CNTN1: variants seen among roughly 807,000 people sequenced by gnomAD.
CNTN1 encodes the protein contactin 1, also known as contactin-1.
In CNTN1, 38 loss-of-function variants were observed where a neutral mutation model predicts 126.4. That is an observed-to-expected ratio of 0.30 (90% CI 0.23 to 0.39). CNTN1 has a LOEUF of 0.39. CNTN1 is among the 10% of genes least tolerant of loss of function. CNTN1 has a pLI of 1.00. For synonymous variants in CNTN1, 413 were observed against 422.6 expected (o/e 0.98, Z 0.28); for missense variants, 1,009 against 1,248.4 (o/e 0.81, Z 2.89).
chr12:40,835,480 C>T (rs151188713), intron 1 of CNTN1, among the ~76,000 whole-genome samples: 141 of 152,258 alleles, frequency 9.3e-4, no homozygotes, highest in Non-Finnish European at 1.9e-3. Flanking sequence ...ATTCTTCCAT[C>T]TAACCTATAA....
intron 5 of CNTN1, among the ~76,000 whole-genome samples, chr12:40,924,079 G>A (rs190520668): frequency 6.6e-6 from 1 of 152,042 alleles, no homozygotes; most frequent in Non-Finnish European, 1.5e-5. Flanking sequence ...TTACTTTCAC[G>A]TTCCCTAATG....
intron 17 of CNTN1, among the ~76,000 whole-genome samples, chr12:40,995,818 G>C (rs1472279643): frequency 6.6e-6 from 1 of 152,100 alleles, no homozygotes; most frequent in Non-Finnish European, 1.5e-5. Context: ...TGAGATCTTT[G>C]ATTAATAAAC....
intron 1 of CNTN1, among the ~76,000 whole-genome samples, chr12:40,777,135 G>A (rs796580272): frequency 9.9e-5 from 15 of 151,564 alleles, no homozygotes; most frequent in East Asian, 9.7e-4. Context: ...ACCTTAAAGC[G>A]AAAATCATCT....
chr12:40,991,792 C>T (rs1296571710), intron 16 of CNTN1, among the ~76,000 whole-genome samples: 1 of 152,214 alleles, frequency 6.6e-6, no homozygotes, highest in Non-Finnish European at 1.5e-5. Context: ...CACGCAACTG[C>T]ACTCCAGCCT....
intron 1 of CNTN1, among the ~76,000 whole-genome samples, chr12:40,840,826 A>G (rs1264752112): frequency 6.6e-6 from 1 of 151,896 alleles, no homozygotes; most frequent in African/African-American, 2.4e-5. Flanking sequence ...AGCAAAAGCA[A>G]TGCAAAGAGA....
At chr12:40,828,577 T>C (rs1176021186) in intron 1 of CNTN1, among the ~76,000 whole-genome samples, 1 of 152,176 alleles carries the variant, frequency 6.6e-6, no homozygotes, top group Non-Finnish European at 1.5e-5. Flanking sequence ...AGCAGTAGAA[T>C]GAGCTGAATC....
chr12:40,866,178 T>G (rs947562477), intron 1 of CNTN1, among the ~76,000 whole-genome samples: 1 of 152,136 alleles, frequency 6.6e-6, no homozygotes, highest in Middle Eastern at 3.2e-3. Flanking sequence ...CCTGAAACCT[T>G]GCTGAATTCA....
chr12:40,706,226 C>T (rs1941737261), intron 1 of CNTN1, among the ~76,000 whole-genome samples: 1 of 151,656 alleles, frequency 6.6e-6, no homozygotes, highest in South Asian at 2.1e-4. Context: ...ATTAACTCGT[C>T]ATTTACATTA....
At chr12:41,041,784 C>T (rs546961814) in intron 23 of CNTN1, among the ~76,000 whole-genome samples, 5 of 151,978 alleles carry the variant, frequency 3.3e-5, no homozygotes, top group East Asian at 1.9e-4. Flanking sequence ...TTTTTTATTG[C>T]GTCTGTTTGA....
At chr12:40,698,228 ATTTTTTTTTTTTTTTTT>A (rs35570862) in intron 1 of CNTN1, among the ~76,000 whole-genome samples, 1 of 69,884 alleles carries the variant, frequency 1.4e-5, no homozygotes, top group Admixed American at 2.0e-4. Flanking sequence ...CAGCCACTTA[ATTTTTTTTTTTTTTTTT>A]TTTTTTTTTT....
In CNTN1 at chr12:40,879,632, C is replaced by T. The variant is rs528142047; in HGVS notation, c.-76-28725C>T. On this transcript the variant is annotated intron_variant, in intron 1 of 23. Transcript: ENST00000551295. The stretch of plus-strand genomic sequence containing the variant: ...ACCTAAAAATAAGATATGTGTCAGG[C>T]AGCAAGGAGGGAGATTACAGAAACT... Among the ~76,000 whole-genome samples, 15 of 152,054 alleles carry T rather than the reference C, an allele frequency of 9.9e-5. No homozygotes were observed. In the South Asian group the frequency reaches 2.5e-3, roughly 25 times the overall value.
intron 15 of CNTN1, among the ~76,000 whole-genome samples, chr12:40,964,521 A>AGTGT (rs768904007): frequency 8.5e-4 from 96 of 112,792 alleles, no homozygotes; most frequent in African/African-American, 1.9e-3. Context: ...ACACCGTGTA[A>AGTGT]GTGAGTGTGT....
chr12:40,938,282 T>C (rs1244843175), intron 11 of CNTN1, among the ~76,000 whole-genome samples: 1 of 152,190 alleles, frequency 6.6e-6, no homozygotes, highest in Non-Finnish European at 1.5e-5. Flanking sequence ...TAATTATTGC[T>C]CTGTACTTGG....
At chr12:40,943,298 G>A (rs1049667812) in intron 12 of CNTN1, among the ~76,000 whole-genome samples, 4 of 152,008 alleles carry the variant, frequency 2.6e-5, no homozygotes, top group Admixed American at 6.6e-5. Context: ...CTGGGAGACC[G>A]GGGCTCATTT....
chr12:40,720,923 T>C (rs574206424), intron 1 of CNTN1, among the ~76,000 whole-genome samples: 1 of 145,010 alleles, frequency 6.9e-6, no homozygotes, highest in South Asian at 2.2e-4. Flanking sequence ...AGAGGAAGAC[T>C]CTGTCTCAAA....
At position 40,833,401 on chromosome 12, in the gene CNTN1, G is replaced by C. The variant is rs562324907; in HGVS notation, c.-76-74956G>C. Among the ~76,000 whole-genome samples, 3 of 152,176 alleles carry C rather than the reference G, an allele frequency of 2.0e-5. No individual in the cohort carries two copies. In the South Asian group the frequency reaches 6.2e-4, roughly 32 times the overall value. ...GTGAGGCACTGCACCTGGCCAACAA[G>C]TTGTCTTTTCAATGACAGTTGTCTC... On this transcript the variant is annotated intron_variant, in intron 1 of 23. Coordinates refer to ENST00000551295, the MANE Select transcript of CNTN1 (RefSeq NM_001843.4).
chr12:40,946,851 C>T (rs183903843), intron 14 of CNTN1, among the ~76,000 whole-genome samples: 5 of 152,000 alleles, frequency 3.3e-5, no homozygotes, highest in East Asian at 3.9e-4. Flanking sequence ...TTTCACAGCC[C>T]GGTGTAATTT....
chr12:40,712,832 A>T (rs915502233), intron 1 of CNTN1, among the ~76,000 whole-genome samples: 1 of 152,076 alleles, frequency 6.6e-6, no homozygotes, highest in African/African-American at 2.4e-5. Context: ...TCATTTTGAA[A>T]TTTAATTCCC....
chr12:40,776,577 A>T (rs1244204294), intron 1 of CNTN1, among the ~76,000 whole-genome samples: 1 of 151,652 alleles, frequency 6.6e-6, no homozygotes, highest in Non-Finnish European at 1.5e-5. Context: ...CATTGAGCTT[A>T]CATTCTTAAA....
Sources: allele counts gnomAD v4.1 joint callset (sites outside exome capture counted in the v4.1 genomes callset), GRCh38; gene constraint gnomAD v4.1.1; transcripts MANE v1.5; gene names NCBI Gene and HGNC (gene_info 2026-07-23, HGNC 2026-07-21).